The following TTLL12 variants were observed in gnomAD, a reference collection of about 807,000 sequenced individuals.
TTLL12 encodes the protein tubulin tyrosine ligase like 12, also known as tubulin--tyrosine ligase-like protein 12.
Under a neutral mutation model 79.6 loss-of-function variants are expected in TTLL12, and 77 were observed. That is an observed-to-expected ratio of 0.97 (90% CI 0.81 to 1.17). The LOEUF is 1.17. Ranked by LOEUF, TTLL12 falls within the 50% of genes most tolerant of loss-of-function variation. The probability of loss-of-function intolerance (pLI) is 0.00; values close to 1 mark genes in which losing one functional copy is unlikely to be tolerated. For synonymous variants in TTLL12, 437 were observed against 376.1 expected, an observed-to-expected ratio of 1.16 and a Z score of -1.87; for missense variants, 969 against 895.9, an observed-to-expected ratio of 1.08 and a Z score of -1.04.
rs769870677 is a variant in TTLL12 at position 43,173,768 on chromosome 22, G to A, written c.1288C>T (p.His430Tyr). The change falls in exon 9 of 14, where the codon CAC (histidine) becomes TAC (tyrosine). Residue 430 changes from histidine to tyrosine, a missense_variant. His to Tyr is a moderately conservative substitution (Grantham distance 83). Transcript: ENST00000216129. ...ATGCTGTGCAGGCTCTTGGTGACGT[G>A]GGTGTCCAGGCTGCGCGCCAGGTTC... ...PWNLARSLDT[H>Y]VTKSLHSIIR... 1.9e-6 allele frequency: 3 copies of A among 1,605,036 alleles called. No individual in the cohort carries two copies. In the Admixed American group the frequency reaches 5.0e-5, roughly 27 times the overall value.
chr22:43,173,834 G>A lies in TTLL12; in HGVS notation c.1230-8C>T, dbSNP rs771009566. On this transcript the variant is annotated splice_polypyrimidine_tract_variant and splice_region_variant and intron_variant, in intron 8 of 13. Coordinates refer to ENST00000216129, the MANE Select transcript of TTLL12 (RefSeq NM_015140.4). ...CAGTGGTTGTCCTCGCCCCTGGGGA[G>A]CAGAAGGGCTGTCTGGGGGGCGCCT... 2.5e-6 allele frequency: 4 copies of A among 1,600,332 alleles called. No individual in the cohort carries two copies. The highest frequency in any genetic ancestry group is 3.4e-5 in the Admixed American group (2 of 59,622).
intron 10 of TTLL12, 142 bp from the exon 11 acceptor site, chr22:43,172,042 TTGTC>T (rs1207307386): frequency 2.7e-6 from 2 of 732,734 alleles, no homozygotes; most frequent in Non-Finnish European, 4.7e-6. Flanking sequence ...GCCTGTTCCC[TTGTC>T]TGTGTGGCTG....
intron 1 of TTLL12, 114 bp downstream of exon 1, chr22:43,186,779 G>C (rs1932195350): frequency 1.5e-5 from 16 of 1,062,626 alleles, no homozygotes; most frequent in Non-Finnish European, 1.9e-5. Flanking sequence ...GACGCGCTCT[G>C]GGTGGCTCAC....
intron 1 of TTLL12, among the ~76,000 whole-genome samples, chr22:43,183,981 G>A (rs1320103059): frequency 2.6e-5 from 4 of 152,246 alleles, no homozygotes; most frequent in Non-Finnish European, 4.4e-5. Context: ...ACCTCCCTCT[G>A]AGGGCTACTG....
chr22:43,168,183 G>A, intron 13 of TTLL12, 24 bp from the exon 14 acceptor site: 1 of 1,609,658 alleles, frequency 6.2e-7, no homozygotes. Context: ...GCGCAGCAGA[G>A]TGTGAAGGCT....
At chr22:43,170,113 G>C in intron 11 of TTLL12, 3 of 355,534 alleles carry the variant, frequency 8.4e-6, no homozygotes, top group South Asian at 6.4e-5. Context: ...AAAAGAACAA[G>C]CCAGGAAAGG....
chr22:43,183,074 C>T lies in TTLL12; in HGVS notation c.253G>A (p.Glu85Lys), dbSNP rs773921560. Residue 85 changes from glutamate to lysine, a missense_variant, in exon 2 of 14, where the codon GAG becomes AAG. Coordinates refer to ENST00000216129, the MANE Select transcript of TTLL12 (RefSeq NM_015140.4). ...GGGTTGGGCTGCTGCTTCCGCACCT[C>T]CCGGGCTGCCTCGTCCTCCTCCTCT... Reference protein sequence around the residue: ...VEEEEDEAAREVRKQQPNPGN... With the variant: ...VEEEEDEAARKVRKQQPNPGN... The T allele has an allele frequency of 9.9e-6, 16 of 1,614,016 alleles. No homozygotes were observed. The South Asian group carries it at 1.4e-4, about 14-fold the overall frequency.
intron 5 of TTLL12, among the ~76,000 whole-genome samples, 179 bp from the exon 6 acceptor site, chr22:43,176,575 TAA>T (rs1931918969): frequency 6.6e-6 from 1 of 151,156 alleles, no homozygotes; most frequent in Admixed American, 6.6e-5. Flanking sequence ...ACTAAGAATA[TAA>T]AAATTAGCCA....
At position 43,180,634 on chromosome 22, in the gene TTLL12, T is replaced by C. The variant is rs184682515; in HGVS notation, c.546+108A>G. 1.7e-3 allele frequency: 2,129 copies of C among 1,266,796 alleles called. 2 individuals are homozygous for C. Among genetic ancestry groups the C allele is most frequent in the Non-Finnish European group, 2.3e-3 (2,030 of 897,074 alleles). The allele number at this position is 1,266,796 out of a possible 1,614,324, so 78.5% of individuals were successfully genotyped here. ...CTCCTTAGGAAGCCACAGGAGAAAG[T>C]GAGTTGCTTGCTCTGGCCGGCCCCT... On this transcript the variant is annotated intron_variant, in intron 3 of 13. Coordinates refer to ENST00000216129, the MANE Select transcript of TTLL12 (RefSeq NM_015140.4).
In TTLL12 at chr22:43,180,269, G is replaced by A. The variant is rs531972231; in HGVS notation, c.547-269C>T. Reference sequence around the variant, plus strand: ...AGGCACTCAGCCCAGCACCCGTAGGGGTGTATATGGGTTTGAGGGTAATGG... The same window carrying A: ...AGGCACTCAGCCCAGCACCCGTAGGAGTGTATATGGGTTTGAGGGTAATGG... On this transcript the variant is annotated intron_variant, in intron 3 of 13. Coordinates refer to ENST00000216129, the MANE Select transcript of TTLL12 (RefSeq NM_015140.4). Among the ~76,000 whole-genome samples the A allele has an allele frequency of 6.6e-5, 10 of 152,308 alleles. No homozygotes were observed. In the East Asian group the frequency reaches 1.9e-3, roughly 29 times the overall value.
intron 11 of TTLL12, among the ~76,000 whole-genome samples, chr22:43,170,727 A>G (rs1931743600): frequency 6.6e-6 from 1 of 152,180 alleles, no homozygotes; most frequent in African/African-American, 2.4e-5. Flanking sequence ...CCTGGGCAAC[A>G]TGGCGAAACC....
intron 5 of TTLL12, among the ~76,000 whole-genome samples, chr22:43,178,285 CCACA>C (rs1396338482): frequency 6.6e-6 from 1 of 151,546 alleles, no homozygotes; most frequent in Non-Finnish European, 1.5e-5. Flanking sequence ...TCAGCAGCGC[CCACA>C]CAAACACGCC....
intron 5 of TTLL12, 131 bp from the exon 6 acceptor site, chr22:43,176,527 C>T (rs890692479): frequency 2.5e-5 from 18 of 729,838 alleles, no homozygotes; most frequent in Admixed American, 1.7e-4. Context: ...GTCAGGAGCT[C>T]GAGACCAGCC....
In TTLL12 at chr22:43,167,180, C is replaced by G. The variant is rs1569482457; in HGVS notation, c.*828G>C. The G allele has an allele frequency of 1.9e-6, 1 of 532,112 alleles. No individual in the cohort carries two copies. The highest frequency in any genetic ancestry group is 3.9e-6 in the Non-Finnish European group (1 of 259,374). The allele number at this position is 532,112 out of a possible 1,614,324, so 33.0% of individuals were successfully genotyped here. On this transcript the variant is annotated 3_prime_UTR_variant, in exon 14 of 14. Transcript: ENST00000216129. ...CTTTTCTGTCTGGCGCTCCACCGCCCACAATCAGCCCCAGCCCCAGGCGCC... is the reference window on the plus strand; with the variant it reads ...CTTTTCTGTCTGGCGCTCCACCGCCGACAATCAGCCCCAGCCCCAGGCGCC...
chr22:43,174,271 T>G lies in TTLL12; in HGVS notation c.1167A>C (p.Arg389=), dbSNP rs766988837. The G allele has an allele frequency of 5.0e-6, 8 of 1,610,490 alleles. No homozygotes were observed. In the East Asian group the frequency reaches 1.8e-4, roughly 36 times the overall value. Residue 389 remains arginine (R), a synonymous_variant, in exon 8 of 14, where the codon CGA becomes CGC. Transcript: ENST00000216129. ...GGPEGPPWLP[R]TFNLRTELPQ... Reference sequence around the variant, plus strand: ...GCAGCTCAGTGCGCAGGTTGAAGGTTCGGGGCAGCCAGGGTGGGCCCTCGG... The same window carrying G: ...GCAGCTCAGTGCGCAGGTTGAAGGTGCGGGGCAGCCAGGGTGGGCCCTCGG...
At position 43,179,883 on chromosome 22, in the gene TTLL12, C is replaced by T. The variant is rs1208491832; in HGVS notation, c.664G>A (p.Ala222Thr). ...CTCAGGGGCCACAGCAGCGTGTAGG[C>T]CACCTGCTGCGGCATGTAGAAGAAG... The part of the protein sequence containing the change: ...APFFYMPQQV[A>T]YTLLWPLRDL... The change falls in exon 4 of 14, where the codon GCC (alanine) becomes ACC (threonine). Residue 222 changes from alanine (A) to threonine (T), a missense_variant. Physicochemically the swap from Ala to Thr is moderately conservative, Grantham distance 58. Transcript: ENST00000216129. 26 of 1,609,898 alleles carry T rather than the reference C, an allele frequency of 1.6e-5. No individual in the cohort carries two copies. The highest frequency in any genetic ancestry group is 2.1e-5 in the Non-Finnish European group (25 of 1,179,442).
chr22:43,176,729 CAAAAAAAAAAA>C (rs869094672), intron 5 of TTLL12, among the ~76,000 whole-genome samples: 1 of 58,910 alleles, frequency 1.7e-5, no homozygotes, highest in African/African-American at 6.9e-5. Context: ...GACTACATCT[CAAAAAAAAAAA>C]AAAAAAAAAA....
intron 4 of TTLL12, 35 bp downstream of exon 4, chr22:43,179,806 G>T: frequency 6.4e-7 from 1 of 1,554,168 alleles, no homozygotes; most frequent in Non-Finnish European, 8.7e-7. Flanking sequence ...CTGGGCTGAG[G>T]CCCCTCCTCC....
At chr22:43,183,558 G>A (rs1932111218) in intron 1 of TTLL12, among the ~76,000 whole-genome samples, 2 of 152,344 alleles carry the variant, frequency 1.3e-5, no homozygotes, top group South Asian at 4.1e-4. Flanking sequence ...GGATCTTGGT[G>A]GCTGGGGGCA....
Sources: allele counts gnomAD v4.1 joint callset (sites outside exome capture counted in the v4.1 genomes callset), GRCh38; gene constraint gnomAD v4.1.1; transcripts MANE v1.5; gene names NCBI Gene and HGNC (gene_info 2026-07-23, HGNC 2026-07-21).